VSTM2B: variants seen among roughly 807,000 people sequenced by gnomAD.
The protein encoded by VSTM2B is V-set and transmembrane domain containing 2B.
Under a neutral mutation model 24.0 loss-of-function variants are expected in VSTM2B, and 24 were observed. The ratio of observed to expected loss-of-function variants is 1.00; its 90% CI spans 0.72 to 1.40. The LOEUF is 1.40. Ranked by LOEUF, VSTM2B falls within the 40% of genes most tolerant of loss-of-function variation. The pLI is 0.00. For synonymous variants in VSTM2B, 226 were observed against 194.4 expected, an observed-to-expected ratio of 1.16 and a Z score of -1.35; for missense variants, 399 against 416.4, an observed-to-expected ratio of 0.96 and a Z score of 0.36.
At chr19:29,537,637 C>T (rs1383338103) in intron 4 of VSTM2B, among the ~76,000 whole-genome samples, 1 of 151,556 alleles carries the variant, frequency 6.6e-6, no homozygotes, top group African/African-American at 2.4e-5. Context: ...GGGGTCCTGG[C>T]GTTGGCATGA....
chr19:29,530,359 C>A, intron 4 of VSTM2B, 69 bp downstream of exon 4: 2 of 1,345,228 alleles, frequency 1.5e-6, no homozygotes, highest in East Asian at 3.1e-5. Context: ...CGGGACGCCC[C>A]GGGGGGCTCC....
intron 4 of VSTM2B, among the ~76,000 whole-genome samples, 152 bp downstream of exon 4, chr19:29,530,442 C>CT (rs1491307972): frequency 5.4e-4 from 79 of 146,162 alleles, no homozygotes; most frequent in African/African-American, 1.8e-3. Context: ...AGCGCCCCCC[C>CT]CAGGGCCTTC....
chr19:29,563,967 G>C lies in VSTM2B; in HGVS notation c.*33G>C. ...GACCAACCCGAGCATCTCAGAGGCC[G>C]CACATGACCTGCCCGGGGCCCTCGG... is the stretch of plus-strand genomic sequence containing the variant. On this transcript the variant is annotated 3_prime_UTR_variant, in exon 5 of 5. Coordinates refer to ENST00000335523, the MANE Select transcript of VSTM2B (RefSeq NM_001146339.2). 1.3e-6 allele frequency: 2 copies of C among 1,534,496 alleles called. No homozygotes were observed. Among genetic ancestry groups the C allele is most frequent in the Non-Finnish European group, 1.8e-6 (2 of 1,131,162 alleles).
intron 4 of VSTM2B, among the ~76,000 whole-genome samples, chr19:29,549,241 C>T (rs1462235038): frequency 6.6e-6 from 1 of 152,226 alleles, no homozygotes; most frequent in Admixed American, 6.5e-5. Context: ...TACCTTGTCC[C>T]TGGGCTCTGT....
rs1468718766 is a variant in VSTM2B at position 29,564,110 on chromosome 19, A to T, written c.*176A>T. The T allele has an allele frequency of 1.7e-6, 1 of 575,138 alleles. No individual in the cohort carries two copies. Among genetic ancestry groups the T allele is most frequent in the African/African-American group, 1.9e-5 (1 of 53,186 alleles). 35.6% of individuals were successfully genotyped at this position (575,138 alleles called of 1,614,324 possible). A position where few individuals can be genotyped will look rare whatever the true frequency, so the allele number is the denominator to read the frequency against. On this transcript the variant is annotated 3_prime_UTR_variant, in exon 5 of 5. Coordinates refer to ENST00000335523, the MANE Select transcript of VSTM2B (RefSeq NM_001146339.2). Reference sequence around the variant, plus strand: ...TACACAAATGTAGAACACCTAAAATAATGCATCTAGTTTCCAAATAATTTG... The same window carrying T: ...TACACAAATGTAGAACACCTAAAATTATGCATCTAGTTTCCAAATAATTTG...
chr19:29,548,151 T>C (rs1020488662), intron 4 of VSTM2B, among the ~76,000 whole-genome samples: 2 of 151,962 alleles, frequency 1.3e-5, no homozygotes, highest in African/African-American at 2.4e-5. Flanking sequence ...GAACAGGCAG[T>C]CCAGCCACAT....
Position 29,527,763 on chromosome 19 carries a change from G to C in VSTM2B, c.267+368G>C, listed in dbSNP as rs190069862. Among the ~76,000 whole-genome samples the C allele has an allele frequency of 4.4e-3, 666 of 152,168 alleles. 1 individual carries two copies. Among genetic ancestry groups the C allele is most frequent in the Non-Finnish European group, 7.3e-3 (498 of 68,006 alleles). On this transcript the variant is annotated intron_variant, in intron 2 of 4. Coordinates refer to ENST00000335523, the MANE Select transcript of VSTM2B (RefSeq NM_001146339.2). ...GGCTCTCCCCGCCCTCTGCCACTTT[G>C]AGGACCCCAGGGCTCCCACGGCTGC...
intron 3 of VSTM2B, 102 bp from the exon 4 acceptor site, chr19:29,529,717 G>T: frequency 1.7e-6 from 2 of 1,160,898 alleles, no homozygotes; most frequent in Non-Finnish European, 2.5e-6. Context: ...CAGGATCCGG[G>T]AAGTGTTGGG....
At chr19:29,534,673 G>A (rs1054722987) in intron 4 of VSTM2B, among the ~76,000 whole-genome samples, 1 of 150,572 alleles carries the variant, frequency 6.6e-6, no homozygotes, top group Non-Finnish European at 1.5e-5. Context: ...CCGAGATCGC[G>A]CCATTGCACT....
At chr19:29,551,084 G>A (rs1029888173) in intron 4 of VSTM2B, among the ~76,000 whole-genome samples, 1 of 152,240 alleles carries the variant, frequency 6.6e-6, no homozygotes, top group Non-Finnish European at 1.5e-5. Context: ...CTGCCCTGGC[G>A]AGCTGTGCAG....
At chr19:29,542,364 A>T (rs1970041846) in intron 4 of VSTM2B, among the ~76,000 whole-genome samples, 1 of 151,080 alleles carries the variant, frequency 6.6e-6, no homozygotes, top group South Asian at 2.1e-4. Flanking sequence ...GGTGGGTAAG[A>T]AGAAGGGTGA....
chr19:29,535,651 C>T, intron 4 of VSTM2B, among the ~76,000 whole-genome samples: 1 of 152,204 alleles, frequency 6.6e-6, no homozygotes, highest in Middle Eastern at 3.2e-3. Flanking sequence ...CAACCGTAAA[C>T]CGTGACCAAA....
intron 4 of VSTM2B, among the ~76,000 whole-genome samples, chr19:29,543,166 C>T (rs1970064213): frequency 6.6e-6 from 1 of 152,156 alleles, no homozygotes; most frequent in Non-Finnish European, 1.5e-5. Context: ...TTTAAGAAAT[C>T]CCATCTCCAG....
intron 4 of VSTM2B, among the ~76,000 whole-genome samples, chr19:29,559,963 T>C (rs762478765): frequency 6.6e-6 from 1 of 152,154 alleles, no homozygotes; most frequent in Non-Finnish European, 1.5e-5. Context: ...TCTGTTGGGC[T>C]CATTCATGTG....
intron 4 of VSTM2B, 132 bp downstream of exon 4, chr19:29,530,422 T>G: frequency 1.3e-6 from 1 of 783,802 alleles, no homozygotes; most frequent in Non-Finnish European, 1.8e-6. Flanking sequence ...TCCTTCCTAG[T>G]TAGGTCGGGA....
intron 4 of VSTM2B, among the ~76,000 whole-genome samples, chr19:29,535,577 G>A (rs1969868778): frequency 6.6e-6 from 1 of 152,204 alleles, no homozygotes; most frequent in Non-Finnish European, 1.5e-5. Context: ...TGGGTATGAT[G>A]GCTGTAGAGA....
intron 4 of VSTM2B, among the ~76,000 whole-genome samples, chr19:29,535,389 T>G (rs1297470259): frequency 6.6e-6 from 1 of 152,146 alleles, no homozygotes. Flanking sequence ...TGCAGGGACG[T>G]TGGGATCAGA....
In VSTM2B at chr19:29,526,033, C is replaced by T. The variant is rs1298881716; in HGVS notation, c.-551C>T. Among the ~76,000 whole-genome samples the T allele has an allele frequency of 1.3e-5, 2 of 152,046 alleles. No individual in the cohort carries two copies. The highest frequency in any genetic ancestry group is 2.1e-4 in the South Asian group (1 of 4,834). ...CCGGGTCCGCCACGCCGGACCCGCT[C>T]TCCCCGCGCTGCGCTGGGTCGGACG... is the stretch of plus-strand genomic sequence containing the variant. On this transcript the variant is annotated 5_prime_UTR_variant, in exon 1 of 5. Transcript: ENST00000335523. This position sits in a 1 kb window ranked among gnomAD's most constrained non-coding sequence, Gnocchi z 4.1.
intron 4 of VSTM2B, among the ~76,000 whole-genome samples, chr19:29,563,351 C>G (rs1443674851): frequency 6.6e-6 from 1 of 151,674 alleles, no homozygotes; most frequent in Non-Finnish European, 1.5e-5. Flanking sequence ...CTCTTGGTCT[C>G]AAGCGATCCA....
Sources: allele counts gnomAD v4.1 joint callset (sites outside exome capture counted in the v4.1 genomes callset), GRCh38; gene constraint gnomAD v4.1.1; non-coding constraint Gnocchi (gnomAD v3.1); transcripts MANE v1.5; gene names NCBI Gene and HGNC (gene_info 2026-07-23, HGNC 2026-07-21).